XYLT1: variants seen among roughly 807,000 people sequenced by gnomAD.
The protein encoded by XYLT1 is xylosyltransferase 1, also known as beta-D-xylosyltransferase 1.
In XYLT1, 36 loss-of-function variants were observed where a neutral mutation model predicts 91.3. That is an observed-to-expected ratio of 0.39 (90% CI 0.30 to 0.52). The LOEUF (loss-of-function observed/expected upper bound fraction) is 0.52. Ranked by LOEUF, XYLT1 falls within the 20% of genes least tolerant of loss-of-function variation. XYLT1 has a pLI of 0.68. For missense variants in XYLT1, 1,242 were observed against 1,284.5 expected (o/e 0.97, Z 0.51); for synonymous variants, 588 against 532.0 (o/e 1.11, Z -1.45).
intron 1 of XYLT1, among the ~76,000 whole-genome samples, chr16:17,387,718 C>T (rs2035764229): frequency 6.6e-6 from 1 of 152,138 alleles, no homozygotes; most frequent in African/African-American, 2.4e-5. Flanking sequence ...AGTCCTGCAA[C>T]TTCCACATGG....
chr16:17,295,417 AC>A (rs765792820), intron 2 of XYLT1, among the ~76,000 whole-genome samples: 1 of 151,616 alleles, frequency 6.6e-6, no homozygotes, highest in South Asian at 2.1e-4. Flanking sequence ...GTGCAGTGGT[AC>A]GATCTCGGCT....
At chr16:17,192,538 A>G (rs1043362332) in intron 5 of XYLT1, among the ~76,000 whole-genome samples, 15 of 152,296 alleles carry the variant, frequency 9.8e-5, no homozygotes, top group African/African-American at 3.4e-4. Context: ...AAACCATCAT[A>G]CCTTTCGAGG....
intron 7 of XYLT1, 86 bp from the exon 8 acceptor site, chr16:17,138,617 G>GAGTTCATGTAAGA: frequency 6.7e-7 from 1 of 1,498,914 alleles, no homozygotes; most frequent in Non-Finnish European, 9.1e-7. Context: ...CCCTTGCTCT[G>GAGTTCATGTAAGA]AGTTCATGTA....
intron 5 of XYLT1, among the ~76,000 whole-genome samples, chr16:17,175,854 G>A (rs562729080): frequency 3.5e-4 from 53 of 152,284 alleles, no homozygotes; most frequent in African/African-American, 1.2e-3. Flanking sequence ...TAGGATTCAT[G>A]AGTACCTACC....
At chr16:17,222,102 C>G (rs1020775323) in intron 3 of XYLT1, among the ~76,000 whole-genome samples, 2 of 152,202 alleles carry the variant, frequency 1.3e-5, no homozygotes, top group Non-Finnish European at 2.9e-5. Flanking sequence ...CATTTCCACT[C>G]ACGTTCCTCT....
intron 1 of XYLT1, among the ~76,000 whole-genome samples, chr16:17,366,391 T>C (rs2035454522): frequency 6.6e-6 from 1 of 152,258 alleles, no homozygotes. Context: ...AAGGGGTTTG[T>C]AAATATTATC....
intron 3 of XYLT1, among the ~76,000 whole-genome samples, chr16:17,233,698 A>G (rs2033202170): frequency 6.6e-6 from 1 of 152,222 alleles, no homozygotes; most frequent in African/African-American, 2.4e-5. Flanking sequence ...AATAATTGGA[A>G]GAGTGAGCAA....
intron 3 of XYLT1, among the ~76,000 whole-genome samples, chr16:17,211,908 G>A (rs1483779079): frequency 6.6e-6 from 1 of 152,180 alleles, no homozygotes; most frequent in African/African-American, 2.4e-5. Context: ...GCGCACTGTA[G>A]GATGTTTAGC....
chr16:17,452,895 A>G (rs927185627), intron 1 of XYLT1, among the ~76,000 whole-genome samples: 12 of 152,160 alleles, frequency 7.9e-5, no homozygotes, highest in African/African-American at 2.4e-4. Context: ...ACACCTTTGT[A>G]AAGAGTTTCA....
chr16:17,196,025 A>G (rs576112958), intron 5 of XYLT1, among the ~76,000 whole-genome samples: 1 of 152,346 alleles, frequency 6.6e-6, no homozygotes, highest in Admixed American at 6.5e-5. Flanking sequence ...GACAAAAGAA[A>G]ACAGTTGTCT....
intron 2 of XYLT1, among the ~76,000 whole-genome samples, chr16:17,357,195 A>C (rs913049231): frequency 6.7e-6 from 1 of 149,454 alleles, no homozygotes; most frequent in East Asian, 1.9e-4. Flanking sequence ...AAAAAAAAAA[A>C]AAAACGCTAC....
intron 3 of XYLT1, among the ~76,000 whole-genome samples, chr16:17,226,140 T>C (rs2033062011): frequency 6.6e-6 from 1 of 152,182 alleles, no homozygotes; most frequent in Non-Finnish European, 1.5e-5. Flanking sequence ...CAAGATTTAG[T>C]AGAAGGCATA....
chr16:17,207,048 CTTTCTTT>C (rs2032660596), intron 3 of XYLT1, among the ~76,000 whole-genome samples: 1 of 89,402 alleles, frequency 1.1e-5, no homozygotes, highest in Non-Finnish European at 1.9e-5. Context: ...GTTTTCTTTT[CTTTCTTT>C]TTTTTTTTTT....
At chr16:17,441,407 C>A (rs1428759687) in intron 1 of XYLT1, among the ~76,000 whole-genome samples, 1 of 152,014 alleles carries the variant, frequency 6.6e-6, no homozygotes, top group Non-Finnish European at 1.5e-5. Flanking sequence ...AGGAAATTTC[C>A]GGTTGCTTTT....
At chr16:17,371,220 C>A (rs539491411) in intron 1 of XYLT1, among the ~76,000 whole-genome samples, 2 of 152,352 alleles carry the variant, frequency 1.3e-5, no homozygotes, top group South Asian at 4.1e-4. Flanking sequence ...TCAGCCCCTG[C>A]TACATACTTT....
intron 1 of XYLT1, among the ~76,000 whole-genome samples, chr16:17,437,505 G>A (rs1342574512): frequency 2.0e-5 from 3 of 152,190 alleles, no homozygotes; most frequent in Non-Finnish European, 4.4e-5. Context: ...TGAAGCCAAT[G>A]TGCACGATGT....
At chr16:17,422,804 C>A (rs1216052602) in intron 1 of XYLT1, among the ~76,000 whole-genome samples, 1 of 152,188 alleles carries the variant, frequency 6.6e-6, no homozygotes, top group Non-Finnish European at 1.5e-5. Flanking sequence ...GTGTGAGTCA[C>A]CATGCCTGGC....
intron 8 of XYLT1, among the ~76,000 whole-genome samples, chr16:17,137,994 G>A (rs111898286): frequency 1.3e-5 from 2 of 152,004 alleles, no homozygotes; most frequent in African/African-American, 4.8e-5. Context: ...GGGTACAAAT[G>A]TAACAAATAT....
At chr16:17,330,632 A>AT (rs1029545442) in intron 2 of XYLT1, among the ~76,000 whole-genome samples, 2 of 141,766 alleles carry the variant, frequency 1.4e-5, no homozygotes, top group African/African-American at 5.7e-5. Flanking sequence ...ACTAAAAATA[A>AT]AAAAAAAAAA....
Sources: allele counts gnomAD v4.1 joint callset (sites outside exome capture counted in the v4.1 genomes callset), GRCh38; gene constraint gnomAD v4.1.1; transcripts MANE v1.5; gene names NCBI Gene and HGNC (gene_info 2026-07-23, HGNC 2026-07-21).